Variants in DNAJB2 observed in about 807,000 individuals in gnomAD.
The protein encoded by DNAJB2 is dnaJ homolog subfamily B member 2.
DNAJB2 carries 19 observed loss-of-function variants against 33.3 expected under a neutral mutation model. The ratio of observed to expected loss-of-function variants is 0.57; its 90% CI spans 0.40 to 0.84. The LOEUF is 0.84. DNAJB2 is among the 40% of genes least tolerant of loss of function. The pLI, the probability that DNAJB2 is intolerant of heterozygous loss-of-function variation, is 0.00. For missense variants in DNAJB2, 368 were observed against 430.9 expected (o/e 0.85, Z 1.29); for synonymous variants, 172 against 164.6 (o/e 1.04, Z -0.34).
chr2:219,280,694 G>A lies in DNAJB2; in HGVS notation c.175+7G>A, dbSNP rs1951896525. ...TATGAAGTGCTGTCTGACAGTAAGG[G>A]CCGGGGTCAGGCAGGACCCAGCACA... On this transcript the variant is annotated splice_region_variant and intron_variant, in intron 3 of 8. Coordinates refer to ENST00000336576, the MANE Select transcript of DNAJB2 (RefSeq NM_006736.6). The A allele has an allele frequency of 1.8e-5, 29 of 1,603,966 alleles. No individual in the cohort carries two copies. The East Asian group carries it at 6.5e-4, about 36-fold the overall frequency.
At position 219,280,195 on chromosome 2, in the gene DNAJB2, C is replaced by G. The variant is rs1374978130; in HGVS notation, c.65+297C>G. 4 of 530,870 alleles carry G rather than the reference C, an allele frequency of 7.5e-6. No individual in the cohort carries two copies. The African/African-American group carries it at 7.6e-5, about 10-fold the overall frequency. 32.9% of individuals were successfully genotyped at this position (530,870 alleles called of 1,614,324 possible). A position where few individuals can be genotyped will look rare whatever the true frequency, so the allele number is the denominator to read the frequency against. ...TCCTTTCCCCTCCCCTCCCCCTTCC[C>G]CCTAGATTTGGGCATTCTCAGGCTG... On this transcript the variant is annotated intron_variant, in intron 2 of 8. Transcript: ENST00000336576.
At chr2:219,282,257 A>G (rs2125082525) in intron 5 of DNAJB2, 196 bp downstream of exon 5, 2 of 676,416 alleles carry the variant, frequency 3.0e-6, no homozygotes, top group East Asian at 2.7e-5. Context: ...CAACAGTGAC[A>G]CTTCACAGAC....
In DNAJB2 at chr2:219,279,837, G is replaced by C; in HGVS notation, c.4G>C (p.Ala2Pro). The C allele has an allele frequency of 6.2e-7, 1 of 1,613,940 alleles. No homozygotes were observed. Among genetic ancestry groups the C allele is most frequent in the Non-Finnish European group, 8.5e-7 (1 of 1,179,964 alleles). Residue 2 changes from alanine (A) to proline (P), a missense_variant, in exon 2 of 9, where the codon GCA (alanine) becomes CCA (proline). Ala to Pro is a conservative substitution (Grantham distance 27). Coordinates refer to ENST00000336576, the MANE Select transcript of DNAJB2 (RefSeq NM_006736.6). This position sits in a 1 kb window ranked among gnomAD's most constrained non-coding sequence, Gnocchi z 4.9. ...GCCTGACGACTGACCAGTTGCCATGGCATCCTACTACGAGATCCTAGACGT... is the reference window on the plus strand; with the variant it reads ...GCCTGACGACTGACCAGTTGCCATGCCATCCTACTACGAGATCCTAGACGT... M[A>P]SYYEILDVPR...
In DNAJB2 at chr2:219,286,364, T is replaced by A. The variant is rs1240135129; in HGVS notation, c.*1377T>A. ...TGGGGAGATTTTGTCTTTTGATTTA[T>A]CCCTGTAGGGCTGGCAGGGTTGTAG... On this transcript the variant is annotated 3_prime_UTR_variant, in exon 9 of 9. Transcript: ENST00000336576. The A allele has an allele frequency of 3.9e-6, 1 of 256,526 alleles. No homozygotes were observed. The highest frequency in any genetic ancestry group is 7.8e-6 in the Non-Finnish European group (1 of 128,516). 15.9% of individuals were successfully genotyped at this position (256,526 alleles called of 1,614,324 possible). A position where few individuals can be genotyped will look rare whatever the true frequency, so the allele number is the denominator to read the frequency against.
At position 219,284,872 on chromosome 2, in the gene DNAJB2, C is replaced by T. The variant is rs774033351; in HGVS notation, c.860C>T (p.Pro287Leu). The change falls in exon 9 of 9, where the codon CCC (proline) becomes CTC (leucine). Residue 287 changes from proline (P) to leucine (L), a missense_variant. Coordinates refer to ENST00000336576, the MANE Select transcript of DNAJB2 (RefSeq NM_006736.6). The stretch of plus-strand genomic sequence containing the variant: ...GCACAGCACCGACGGCAGGGGCGGC[C>T]CAAGGCCCAGCACCAAGATCCAGGC... ...REAQHRRQGRPKAQHQDPGLG... is the reference protein window; with the variant it reads ...REAQHRRQGRLKAQHQDPGLG... 1 of 1,609,078 alleles carries T rather than the reference C, an allele frequency of 6.2e-7. No individual in the cohort carries two copies. The highest frequency in any genetic ancestry group is 2.2e-5 in the East Asian group (1 of 44,722).
In DNAJB2 at chr2:219,285,124, C is replaced by T. The variant is rs1047433593; in HGVS notation, c.*137C>T. On this transcript the variant is annotated 3_prime_UTR_variant, in exon 9 of 9. Transcript: ENST00000336576. ...TCCCTCCACAAGTTTCCCTCCCAGG[C>T]CCCCCACACCCCAGTGTGGACTTGG... The T allele has an allele frequency of 7.3e-7, 1 of 1,375,736 alleles. No homozygotes were observed. The allele number at this position is 1,375,736 out of a possible 1,614,324, so 85.2% of individuals were successfully genotyped here. A position where few individuals can be genotyped will look rare whatever the true frequency, so the allele number is the denominator to read the frequency against.
intron 5 of DNAJB2, 139 bp downstream of exon 5, chr2:219,282,200 A>G (rs756081016): frequency 3.5e-6 from 5 of 1,433,380 alleles, no homozygotes; most frequent in African/African-American, 1.4e-5. Context: ...AGCTGGGTCC[A>G]GTGAGAGCCG....
Position 219,285,810 on chromosome 2 carries a change from G to A in DNAJB2, c.*823G>A. The A allele has an allele frequency of 1.4e-6, 2 of 1,408,024 alleles. No homozygotes were observed. Among genetic ancestry groups the A allele is most frequent in the East Asian group, 2.5e-5 (1 of 39,274 alleles). The allele number at this position is 1,408,024 out of a possible 1,614,324, so 87.2% of individuals were successfully genotyped here. Reference sequence around the variant, plus strand: ...GGCTCACCCTGAAGAGGTGGGATAGGACCGGGGGACCCCAGAGGGAGGCCT... The same window carrying A: ...GGCTCACCCTGAAGAGGTGGGATAGAACCGGGGGACCCCAGAGGGAGGCCT... On this transcript the variant is annotated 3_prime_UTR_variant, in exon 9 of 9. Coordinates refer to ENST00000336576, the MANE Select transcript of DNAJB2 (RefSeq NM_006736.6).
chr2:219,286,126 G>A lies in DNAJB2; in HGVS notation c.*1139G>A. The stretch of plus-strand genomic sequence containing the variant: ...GTGTAGAGCCGGGGCCTGGGTGGCG[G>A]GTGGGGGCCGGGTGGGAGGTGGCAG... On this transcript the variant is annotated 3_prime_UTR_variant, in exon 9 of 9. Coordinates refer to ENST00000336576, the MANE Select transcript of DNAJB2 (RefSeq NM_006736.6). 1.1e-6 allele frequency: 1 copy of A among 891,456 alleles called. No individual in the cohort carries two copies. Among genetic ancestry groups the A allele is most frequent in the Non-Finnish European group, 1.7e-6 (1 of 597,330 alleles). 55.2% of individuals were successfully genotyped at this position (891,456 alleles called of 1,614,324 possible).
Position 219,282,817 on chromosome 2 carries a change from A to C in DNAJB2, c.353-20A>C. On this transcript the variant is annotated intron_variant, in intron 5 of 8. Transcript: ENST00000336576. ...GAAATGTCATTACCAGATGACTGCT[A>C]ATCTGTTTACTTGTTGCAGATGACC... is the stretch of plus-strand genomic sequence containing the variant. 1 of 1,553,608 alleles carries C rather than the reference A, an allele frequency of 6.4e-7. No homozygotes were observed. The highest frequency in any genetic ancestry group is 8.7e-7 in the Non-Finnish European group (1 of 1,154,854).
At position 219,279,693 on chromosome 2, in the gene DNAJB2, C is replaced by T. The variant is rs970786859; in HGVS notation, c.-36-105C>T. ...CCGGCCGCAAGCAGAGCCCGGTGTG[C>T]TCCGCTTCCAACTGGGAGCGCCTTC... is the stretch of plus-strand genomic sequence containing the variant. On this transcript the variant is annotated intron_variant, in intron 1 of 8. Coordinates refer to ENST00000336576, the MANE Select transcript of DNAJB2 (RefSeq NM_006736.6). The surrounding 1 kb of genome is among the most constrained non-coding windows in gnomAD (Gnocchi z 4.9). 1.2e-5 allele frequency: 10 copies of T among 844,292 alleles called. No homozygotes were observed. In the Admixed American group the frequency reaches 2.2e-4, roughly 18 times the overall value. The allele number at this position is 844,292 out of a possible 1,614,324, so 52.3% of individuals were successfully genotyped here. A position where few individuals can be genotyped will look rare whatever the true frequency, so the allele number is the denominator to read the frequency against.
At chr2:219,280,239 CAA>C (rs943797710) in intron 2 of DNAJB2, 3 of 521,232 alleles carry the variant, frequency 5.8e-6, no homozygotes, top group Non-Finnish European at 1.0e-5. Context: ...AGATGCAGTG[CAA>C]AGAGGCTCTA....
chr2:219,281,660 G>A (rs1951904901), intron 3 of DNAJB2, 58 bp from the exon 4 acceptor site: 2 of 1,606,660 alleles, frequency 1.2e-6, no homozygotes. Context: ...GAACGTCCTA[G>A]CCTGGGAGGG....
rs1346857510 is a variant in DNAJB2 at position 219,282,925 on chromosome 2, C to T, written c.441C>T (p.His147=). The change falls in exon 6 of 9, where the codon CAC becomes CAT. Residue 147 remains histidine (H), a synonymous_variant. Transcript: ENST00000336576. ...FFTFSSSFPG[H]SDFSSSSFSF... ...CCTTCTCTTCCTCCTTCCCTGGGCA[C>T]TCCGGTAAGTTCTGCCCCTTCCCAC... 3.8e-6 allele frequency: 6 copies of T among 1,597,966 alleles called. No homozygotes were observed. Among genetic ancestry groups the T allele is most frequent in the Admixed American group, 1.8e-5 (1 of 56,078 alleles).
rs1267484687 is a variant in DNAJB2 at position 219,285,417 on chromosome 2, C to T, written c.*430C>T. On this transcript the variant is annotated 3_prime_UTR_variant, in exon 9 of 9. Coordinates refer to ENST00000336576, the MANE Select transcript of DNAJB2 (RefSeq NM_006736.6). ...GAGCAGTGCAGGCAGAGTGGAGCCT[C>T]CTGCTCTCCTGGACCAGCTGCAGAC... 3.0e-6 allele frequency: 3 copies of T among 1,007,286 alleles called. No homozygotes were observed. The highest frequency in any genetic ancestry group is 4.5e-5 in the South Asian group (1 of 22,208). 62.4% of individuals were successfully genotyped at this position (1,007,286 alleles called of 1,614,324 possible).
Position 219,285,409 on chromosome 2 carries a change from T to C in DNAJB2, c.*422T>C. The stretch of plus-strand genomic sequence containing the variant: ...CCACTGGAGAGCAGTGCAGGCAGAG[T>C]GGAGCCTCCTGCTCTCCTGGACCAG... On this transcript the variant is annotated 3_prime_UTR_variant, in exon 9 of 9. Transcript: ENST00000336576. The C allele has an allele frequency of 9.9e-7, 1 of 1,007,924 alleles. No individual in the cohort carries two copies. The highest frequency in any genetic ancestry group is 1.2e-6 in the Non-Finnish European group (1 of 844,540). 62.4% of individuals were successfully genotyped at this position (1,007,924 alleles called of 1,614,324 possible).
Position 219,286,003 on chromosome 2 carries a change from A to C in DNAJB2, c.*1016A>C. On this transcript the variant is annotated 3_prime_UTR_variant, in exon 9 of 9. Transcript: ENST00000336576. Reference sequence around the variant, plus strand: ...TCTCCCCAGATGTGTTCTGAGCTGGATGCCGGGTTCCAGAATCGCTGCACA... The same window carrying C: ...TCTCCCCAGATGTGTTCTGAGCTGGCTGCCGGGTTCCAGAATCGCTGCACA... The C allele has an allele frequency of 6.2e-7, 1 of 1,612,910 alleles. No individual in the cohort carries two copies. Among genetic ancestry groups the C allele is most frequent in the Non-Finnish European group, 8.5e-7 (1 of 1,179,790 alleles).
Position 219,279,545 on chromosome 2 carries a change from G to T in DNAJB2, c.-37+27G>T. 1 of 381,360 alleles carries T rather than the reference G, an allele frequency of 2.6e-6. No individual in the cohort carries two copies. The highest frequency in any genetic ancestry group is 3.1e-5 in the South Asian group (1 of 32,066). The allele number at this position is 381,360 out of a possible 1,614,324, so 23.6% of individuals were successfully genotyped here. A position where few individuals can be genotyped will look rare whatever the true frequency, so the allele number is the denominator to read the frequency against. ...TGCGGCCGGGGGCCCGGGTCAGGCT[G>T]GGGGCCCTGGATCGGACTGCTGGAG... On this transcript the variant is annotated intron_variant, in intron 1 of 8. Coordinates refer to ENST00000336576, the MANE Select transcript of DNAJB2 (RefSeq NM_006736.6). The surrounding 1 kb of genome is among the most constrained non-coding windows in gnomAD (Gnocchi z 4.9).
Position 219,282,049 on chromosome 2 carries a change from G to A in DNAJB2, c.340G>A (p.Ala114Thr). The A allele has an allele frequency of 6.2e-7, 1 of 1,614,178 alleles. No individual in the cohort carries two copies. Among genetic ancestry groups the A allele is most frequent in the South Asian group, 1.1e-5 (1 of 91,084 alleles). The change falls in exon 5 of 9, where the codon GCA becomes ACA. Residue 114 changes from alanine to threonine, a missense_variant. Physicochemically the swap from Ala to Thr is moderately conservative, Grantham distance 58. Transcript: ENST00000336576. ...ATTCTTTGGGAGTGGAGACCCTTTT[G>A]CAGAGCTCTTTGGTGAGTGGACTCT... ...REFFGSGDPF[A>T]ELFDDLGPFS... is the part of the protein sequence containing the mutation.
Sources: allele counts gnomAD v4.1 joint callset, GRCh38; gene constraint gnomAD v4.1.1; non-coding constraint Gnocchi (gnomAD v3.1); transcripts MANE v1.5; gene names NCBI Gene and HGNC (gene_info 2026-07-23, HGNC 2026-07-21).